The following RALGPS1 variants were observed in gnomAD, a reference collection of about 807,000 sequenced individuals.
The protein encoded by RALGPS1 is Ral GEF with PH domain and SH3 binding motif 1.
A neutral mutation model predicts 78.8 loss-of-function variants in RALGPS1; 19 were observed. The ratio of observed to expected loss-of-function variants is 0.24; its 90% CI spans 0.17 to 0.35. The LOEUF (loss-of-function observed/expected upper bound fraction) is 0.35. Ranked by LOEUF, RALGPS1 falls within the 10% of genes least tolerant of loss-of-function variation. The probability of loss-of-function intolerance (pLI) is 1.00; values close to 1 mark genes in which losing one functional copy is unlikely to be tolerated. For missense variants in RALGPS1, 454 were observed against 688.3 expected, an observed-to-expected ratio of 0.66 and a Z score of 3.81; for synonymous variants, 228 against 256.3, an observed-to-expected ratio of 0.89 and a Z score of 1.06.
At chr9:127,203,841 G>A (rs777446033) in intron 14 of RALGPS1, among the ~76,000 whole-genome samples, 3 of 152,264 alleles carry the variant, frequency 2.0e-5, no homozygotes, top group South Asian at 2.1e-4. Flanking sequence ...GAGAGCCCTC[G>A]AGGCAGGACC....
chr9:127,066,720 A>G (rs930027644), intron 7 of RALGPS1, among the ~76,000 whole-genome samples: 1 of 152,164 alleles, frequency 6.6e-6, no homozygotes, highest in Non-Finnish European at 1.5e-5. Context: ...TATATTGTTC[A>G]TTGGCAAATT....
chr9:127,163,748 T>C (rs1203761540), intron 8 of RALGPS1, among the ~76,000 whole-genome samples: 2 of 152,226 alleles, frequency 1.3e-5, no homozygotes, highest in Admixed American at 1.3e-4. Context: ...AATAGCTTGT[T>C]AGAAGGATAA....
intron 8 of RALGPS1, among the ~76,000 whole-genome samples, chr9:127,094,988 G>A (rs1005755058): frequency 6.6e-6 from 1 of 152,228 alleles, no homozygotes; most frequent in African/African-American, 2.4e-5. Flanking sequence ...CCAAGGGTCT[G>A]GACAGGCTGG....
intron 4 of RALGPS1, among the ~76,000 whole-genome samples, chr9:127,022,024 C>A (rs1380841218): frequency 1.3e-5 from 2 of 152,070 alleles, no homozygotes; most frequent in South Asian, 2.1e-4. Context: ...TTTGATGAAA[C>A]AGTAGTGACT....
intron 8 of RALGPS1, among the ~76,000 whole-genome samples, chr9:127,113,633 G>A (rs907723651): frequency 6.6e-6 from 1 of 151,748 alleles, no homozygotes; most frequent in Non-Finnish European, 1.5e-5. Context: ...CTTGGCTTCA[G>A]AATTAAAATA....
At chr9:126,950,973 TG>T (rs2037758990) in intron 1 of RALGPS1, among the ~76,000 whole-genome samples, 1 of 151,738 alleles carries the variant, frequency 6.6e-6, no homozygotes, top group African/African-American at 2.4e-5. Flanking sequence ...CAATAAAAAA[TG>T]ATAAAGGGGA....
chr9:126,996,704 C>T (rs2042799357), intron 4 of RALGPS1, among the ~76,000 whole-genome samples: 1 of 152,194 alleles, frequency 6.6e-6, no homozygotes, highest in Admixed American at 6.5e-5. Context: ...CATCCTGATA[C>T]CAAAGCCGGG....
chr9:127,014,499 A>G (rs576240808), intron 4 of RALGPS1, among the ~76,000 whole-genome samples: 4 of 152,208 alleles, frequency 2.6e-5, no homozygotes, highest in Non-Finnish European at 4.4e-5. Context: ...AGAGACTTCA[A>G]GCTGCTTGTG....
intron 4 of RALGPS1, among the ~76,000 whole-genome samples, chr9:127,009,600 T>A (rs1283248276): frequency 2.6e-5 from 4 of 152,112 alleles, no homozygotes; most frequent in Non-Finnish European, 5.9e-5. Context: ...ACTGAAGGGG[T>A]TGTGAGTATG....
chr9:127,079,544 T>C (rs1346857851), intron 8 of RALGPS1: 2 of 152,210 alleles, frequency 1.3e-5, no homozygotes, highest in Non-Finnish European at 2.9e-5. Flanking sequence ...TTAAAGACTA[T>C]CCCTTTATGT....
intron 7 of RALGPS1, among the ~76,000 whole-genome samples, chr9:127,064,201 A>G (rs932495400): frequency 6.6e-6 from 1 of 152,230 alleles, no homozygotes; most frequent in African/African-American, 2.4e-5. Flanking sequence ...TTCTTGAACA[A>G]GAATGGTTTT....
intron 5 of RALGPS1, among the ~76,000 whole-genome samples, chr9:127,042,644 A>G (rs2047418616): frequency 6.6e-6 from 1 of 152,246 alleles, no homozygotes; most frequent in Admixed American, 6.5e-5. Context: ...GTTCTGTACA[A>G]CATCTTACTG....
intron 1 of RALGPS1, among the ~76,000 whole-genome samples, chr9:126,926,116 C>T (rs1234190054): frequency 2.0e-5 from 3 of 152,212 alleles, no homozygotes; most frequent in African/African-American, 4.8e-5. Flanking sequence ...CCTGTGGTTT[C>T]CAATATAGCA....
At chr9:127,202,897 G>GGCGGCCGCAGGGCA (rs147353827) in intron 14 of RALGPS1, among the ~76,000 whole-genome samples, 12 of 151,960 alleles carry the variant, frequency 7.9e-5, no homozygotes, top group Admixed American at 1.3e-4. Context: ...GAGGTGGGGA[G>GGCGGCCGCAGGGCA]GCGGCCGCAG....
chr9:127,103,747 G>A (rs533574033), intron 8 of RALGPS1, among the ~76,000 whole-genome samples: 2 of 152,134 alleles, frequency 1.3e-5, no homozygotes, highest in African/African-American at 4.8e-5. Flanking sequence ...TCATTTTAAG[G>A]AACTGTTTGG....
intron 12 of RALGPS1, among the ~76,000 whole-genome samples, chr9:127,195,432 C>G (rs2140534636): frequency 6.6e-6 from 1 of 152,332 alleles, no homozygotes. Flanking sequence ...TGACTCCACA[C>G]CACCGACAGG....
chr9:127,141,278 T>G (rs2057755587), intron 8 of RALGPS1, among the ~76,000 whole-genome samples: 1 of 152,072 alleles, frequency 6.6e-6, no homozygotes, highest in Admixed American at 6.5e-5. Flanking sequence ...AAACTCTGAC[T>G]GAAAAAGAGG....
At chr9:127,196,780 C>A in intron 13 of RALGPS1, 149 bp downstream of exon 13, 1 of 956,972 alleles carries the variant, frequency 1.0e-6, no homozygotes, top group Non-Finnish European at 1.5e-6. Context: ...GAGGTGGCTG[C>A]CTGCAGGAAT....
chr9:127,049,772 G>A (rs1486112327), intron 5 of RALGPS1, among the ~76,000 whole-genome samples: 1 of 152,174 alleles, frequency 6.6e-6, no homozygotes, highest in Non-Finnish European at 1.5e-5. Flanking sequence ...TGTCACGGAG[G>A]CCCAGCGCTC....
Sources: gnomAD v4.1 joint callset for allele counts (sites outside exome capture counted in the v4.1 genomes callset) on GRCh38, gnomAD v4.1.1 for gene constraint, MANE v1.5 for transcripts, NCBI Gene and HGNC (gene_info 2026-07-23, HGNC 2026-07-21) for gene names.